ESRRG: variants seen among roughly 807,000 people sequenced by gnomAD.
ESRRG encodes estrogen related receptor gamma.
A neutral mutation model predicts 44.0 loss-of-function variants in ESRRG; 13 were observed. The observed-to-expected ratio is 0.30, with a 90% CI of 0.19 to 0.47. The LOEUF (loss-of-function observed/expected upper bound fraction) is 0.47. Ranked by LOEUF, ESRRG falls within the 20% of genes least tolerant of loss-of-function variation. The pLI, the probability that ESRRG is intolerant of heterozygous loss-of-function variation, is 1.00. For synonymous variants in ESRRG, 215 were observed against 214.6 expected (o/e 1.00, Z -0.02); for missense variants, 395 against 580.6 (o/e 0.68, Z 3.29).
At chr1:216,618,384 T>C (rs1258263156) in intron 3 of ESRRG, among the ~76,000 whole-genome samples, 1 of 152,220 alleles carries the variant, frequency 6.6e-6, no homozygotes, top group Non-Finnish European at 1.5e-5. Context: ...GTTCAATCTA[T>C]GAATAAAGAA....
At chr1:216,800,818 T>C (rs2094592082) in intron 2 of ESRRG, among the ~76,000 whole-genome samples, 2 of 152,142 alleles carry the variant, frequency 1.3e-5, no homozygotes, top group Admixed American at 1.3e-4. Flanking sequence ...GGCTTATAAA[T>C]CCATGAGTTT....
chr1:216,748,287 C>T (rs890905651), intron 2 of ESRRG, among the ~76,000 whole-genome samples: 8 of 152,118 alleles, frequency 5.3e-5, no homozygotes, highest in African/African-American at 1.9e-4. Flanking sequence ...ACCAGAATGC[C>T]TAGCTACTCT....
intron 1 of ESRRG, among the ~76,000 whole-genome samples, chr1:217,017,144 A>T (rs998661756): frequency 6.6e-6 from 1 of 152,174 alleles, no homozygotes; most frequent in African/African-American, 2.4e-5. Flanking sequence ...AGAACTGTAG[A>T]CAGTTAGCTT....
chr1:216,517,766 G>C (rs1230623955), intron 6 of ESRRG, among the ~76,000 whole-genome samples: 1 of 151,820 alleles, frequency 6.6e-6, no homozygotes, highest in Non-Finnish European at 1.5e-5. Flanking sequence ...GATTCTTCAG[G>C]GTTCATAATA....
intron 2 of ESRRG, among the ~76,000 whole-genome samples, chr1:216,743,710 G>A (rs997027751): frequency 3.3e-5 from 5 of 152,078 alleles, no homozygotes; most frequent in Non-Finnish European, 7.4e-5. Context: ...TGTCACTGTC[G>A]TTGTGATCAC....
chr1:216,590,171 G>A lies in ESRRG; in HGVS notation c.590-22073C>T, dbSNP rs577599519. Among the ~76,000 whole-genome samples the A allele has an allele frequency of 2.0e-5, 3 of 151,988 alleles. No homozygotes were observed. The East Asian group carries it at 5.8e-4, about 29-fold the overall frequency. On this transcript the variant is annotated intron_variant, in intron 3 of 6. Coordinates refer to ENST00000408911, the MANE Select transcript of ESRRG (RefSeq NM_001438.4). ...CCAAAACCCTCTAACAGTAATGGTT[G>A]TTGATTATTAATAATATGACTAATA...
intron 1 of ESRRG, among the ~76,000 whole-genome samples, chr1:216,712,970 C>T (rs1483501456): frequency 2.0e-5 from 3 of 152,272 alleles, no homozygotes; most frequent in Middle Eastern, 3.4e-3. Context: ...TAAAGCTGAA[C>T]GCTTTGTCAA....
chr1:216,714,794 C>A (rs1444543755), intron 1 of ESRRG, among the ~76,000 whole-genome samples: 2 of 152,106 alleles, frequency 1.3e-5, no homozygotes, highest in Admixed American at 6.6e-5. Context: ...TTCTCCATTT[C>A]TATCTATTAA....
At chr1:216,557,156 A>C (rs1030985615) in intron 5 of ESRRG, among the ~76,000 whole-genome samples, 11 of 152,182 alleles carry the variant, frequency 7.2e-5, no homozygotes, top group Non-Finnish European at 1.6e-4. Context: ...AAAACTTGTA[A>C]TCAGGAATGT....
In ESRRG at chr1:217,129,899, C is replaced by A. The variant is rs141301517; in HGVS notation, c.-230+7768G>T. ...TCAGATGGCGACGAAGGTTGCACAT[C>A]ATGGTGAATGTTAAAAAAAAAAGCC... On this transcript the variant is annotated intron_variant, in intron 1 of 8. Coordinates refer to the ESRRG transcript ENST00000366940. Among the ~76,000 whole-genome samples the A allele has an allele frequency of 3.7e-3, 565 of 151,570 alleles. 7 individuals are homozygous for A. The highest frequency in any genetic ancestry group is 0.013 in the African/African-American group (544 of 41,290).
upstream of ESRRG, among the ~76,000 whole-genome samples, chr1:216,724,813 A>G (rs1382482687): frequency 3.9e-5 from 6 of 152,150 alleles, no homozygotes; most frequent in Non-Finnish European, 8.8e-5. Flanking sequence ...TTTTTATACT[A>G]GCAAATGTAC....
intron 5 of ESRRG, among the ~76,000 whole-genome samples, chr1:216,526,526 CA>C (rs1193830191): frequency 6.6e-6 from 1 of 152,108 alleles, no homozygotes; most frequent in Non-Finnish European, 1.5e-5. Flanking sequence ...AGAAGGAACC[CA>C]AACCTCCTGC....
intron 1 of ESRRG, among the ~76,000 whole-genome samples, chr1:217,011,549 G>A (rs181152742): frequency 6.6e-6 from 1 of 152,200 alleles, no homozygotes; most frequent in Non-Finnish European, 1.5e-5. Context: ...CAAAGCATTT[G>A]CTAGATAATC....
intron 2 of ESRRG, among the ~76,000 whole-genome samples, chr1:216,663,995 G>T (rs1481409797): frequency 1.3e-5 from 2 of 152,192 alleles, no homozygotes; most frequent in South Asian, 2.1e-4. Context: ...AAAATGAATT[G>T]CAAAGCGTTT....
At chr1:217,073,800 G>A (rs530099220) in intron 1 of ESRRG, among the ~76,000 whole-genome samples, 4 of 151,832 alleles carry the variant, frequency 2.6e-5, no homozygotes, top group Non-Finnish European at 4.4e-5. Flanking sequence ...AGAAAAGAGC[G>A]AAGGAAAAAA....
intron 2 of ESRRG, among the ~76,000 whole-genome samples, chr1:216,658,255 A>G: frequency 6.6e-6 from 1 of 152,178 alleles, no homozygotes; most frequent in Admixed American, 6.5e-5. Context: ...TAAAAATGCT[A>G]TAAAATGAGG....
intron 3 of ESRRG, among the ~76,000 whole-genome samples, chr1:216,583,094 T>C (rs371906488): frequency 1.8e-4 from 27 of 152,218 alleles, no homozygotes; most frequent in African/African-American, 5.5e-4. Flanking sequence ...CATTTTTCTA[T>C]CAACTTTCAA....
intron 1 of ESRRG, among the ~76,000 whole-genome samples, chr1:217,119,940 A>G (rs1162697256): frequency 6.6e-6 from 1 of 152,206 alleles, no homozygotes; most frequent in Non-Finnish European, 1.5e-5. Context: ...AATATTGTGT[A>G]CAAGTTAGTG....
chr1:216,780,882 G>A (rs1014148145), intron 2 of ESRRG, among the ~76,000 whole-genome samples: 1 of 151,950 alleles, frequency 6.6e-6, no homozygotes, highest in African/African-American at 2.4e-5. Context: ...AGCTTCATAT[G>A]TTCACGACAC....
Sources: gnomAD v4.1 joint callset for allele counts (sites outside exome capture counted in the v4.1 genomes callset) on GRCh38, gnomAD v4.1.1 for gene constraint, MANE v1.5 for transcripts, NCBI Gene and HGNC (gene_info 2026-07-23, HGNC 2026-07-21) for gene names.